GCC2: variants seen among roughly 807,000 people sequenced by gnomAD.
The protein encoded by GCC2 is GRIP and coiled-coil domain containing 2, also known as GRIP and coiled-coil domain-containing protein 2.
GCC2 carries 120 observed loss-of-function variants against 210.6 expected under a neutral mutation model. The observed-to-expected ratio is 0.57, with a 90% CI of 0.49 to 0.66. The LOEUF (loss-of-function observed/expected upper bound fraction) is 0.66. Among genes scored for constraint, GCC2 ranks in the 30% least tolerant of loss-of-function variants. The pLI is 0.00. For synonymous variants in GCC2, 703 were observed against 652.7 expected, an observed-to-expected ratio of 1.08 and a Z score of -1.17; for missense variants, 1,868 against 1,871.9, an observed-to-expected ratio of 1.00 and a Z score of 0.04.
intron 17 of GCC2, among the ~76,000 whole-genome samples, chr2:108,488,775 C>T (rs1215134179): frequency 6.6e-6 from 1 of 152,142 alleles, no homozygotes; most frequent in Non-Finnish European, 1.5e-5. Flanking sequence ...CTGGCTCTTA[C>T]TGTTCTAAAC....
intron 22 of GCC2, among the ~76,000 whole-genome samples, chr2:108,502,381 A>ATAG (rs1682966984): frequency 6.6e-6 from 1 of 152,190 alleles, no homozygotes; most frequent in Non-Finnish European, 1.5e-5. Flanking sequence ...AAAGAGACTA[A>ATAG]CCTAAGGGAT....
At position 108,481,695 on chromosome 2, in the gene GCC2, A is replaced by G; in HGVS notation, c.3061-2A>G. 6.3e-7 allele frequency: 1 copy of G among 1,579,280 alleles called. No individual in the cohort carries two copies. The highest frequency in any genetic ancestry group is 8.6e-7 in the Non-Finnish European group (1 of 1,167,368). ...CAAAGTTAAATCCTTCTTTTATTGA[A>G]GAATCTTTTATTAGAATATGAAAAG... is the stretch of plus-strand genomic sequence containing the variant. On this transcript the variant is annotated splice_acceptor_variant, in intron 9 of 22. Coordinates refer to ENST00000309863, the MANE Select transcript of GCC2 (RefSeq NM_181453.4). LOFTEE classifies it high-confidence loss of function.
At chr2:108,450,929 C>T in intron 2 of GCC2, 99 bp from the exon 3 acceptor site, 2 of 751,454 alleles carry the variant, frequency 2.7e-6, no homozygotes, top group South Asian at 1.7e-5. Context: ...AAGATTTATT[C>T]TGTAGAATGT....
intron 2 of GCC2, 143 bp downstream of exon 2, chr2:108,449,832 A>G (rs2460945): frequency 0.99 from 630,417 of 634,352 alleles, 313,263 homozygotes; most frequent in East Asian, 1. Flanking sequence ...AGTGTGCGCA[A>G]TCGCCCATTT....
chr2:108,469,915 G>C lies in GCC2; in HGVS notation c.586G>C (p.Glu196Gln). 1 of 1,613,610 alleles carries C rather than the reference G, an allele frequency of 6.2e-7. No homozygotes were observed. Among genetic ancestry groups the C allele is most frequent in the Non-Finnish European group, 8.5e-7 (1 of 1,179,788 alleles). The change falls in exon 6 of 23, where the codon GAG (glutamate) becomes CAG (glutamine). Residue 196 changes from glutamate (E) to glutamine (Q), a missense_variant. Glu to Gln is a conservative substitution (Grantham distance 29, BLOSUM62 2). Coordinates refer to ENST00000309863, the MANE Select transcript of GCC2 (RefSeq NM_181453.4). ...TGAGAAAATTAGGCCAGGCTTTGAGGAGCAAATTTTATATCTGCAAAAGCA... is the reference window on the plus strand; with the variant it reads ...TGAGAAAATTAGGCCAGGCTTTGAGCAGCAAATTTTATATCTGCAAAAGCA... ...EIEKIRPGFE[E>Q]QILYLQKQLD... is the part of the protein sequence containing the mutation.
rs368402498 is a variant in GCC2 at position 108,507,670 on chromosome 2, A to T, written c.*40A>T. The T allele has an allele frequency of 7.3e-7, 1 of 1,375,240 alleles. No homozygotes were observed. Among genetic ancestry groups the T allele is most frequent in the African/African-American group, 1.4e-5 (1 of 69,100 alleles). The allele number at this position is 1,375,240 out of a possible 1,614,324, so 85.2% of individuals were successfully genotyped here. A position where few individuals can be genotyped will look rare whatever the true frequency, so the allele number is the denominator to read the frequency against. On this transcript the variant is annotated 3_prime_UTR_variant, in exon 23 of 23. Transcript: ENST00000309863. ...TATTTTTATTAACCAAATAGAATCT[A>T]TTTACAAAAATGGTTCACGTATATT...
chr2:108,507,415 C>CG (rs1211579162), intron 22 of GCC2, 145 bp from the exon 23 acceptor site: 4 of 365,986 alleles, frequency 1.1e-5, no homozygotes, highest in Admixed American at 9.5e-5. Context: ...ACCCCCCCCC[C>CG]CAAAAAAAAG....
At chr2:108,453,153 G>T (rs567864038) in intron 4 of GCC2, among the ~76,000 whole-genome samples, 58 of 152,282 alleles carry the variant, frequency 3.8e-4, no homozygotes, top group African/African-American at 1.4e-3. Flanking sequence ...TCACAGTTGT[G>T]TTTCCCTCTC....
intron 17 of GCC2, among the ~76,000 whole-genome samples, chr2:108,488,217 T>C (rs1011798325): frequency 4.6e-5 from 7 of 152,132 alleles, no homozygotes; most frequent in Admixed American, 3.3e-4. Flanking sequence ...TAAAATTCTA[T>C]TATGATTTTT....
At chr2:108,455,271 C>CTCTA (rs1680194877) in intron 4 of GCC2, among the ~76,000 whole-genome samples, 2 of 152,246 alleles carry the variant, frequency 1.3e-5, no homozygotes, top group South Asian at 4.1e-4. Flanking sequence ...GAAACCCCAT[C>CTCTA]TCTACTCAAA....
rs544210046 is a variant in GCC2, at chr2:108,478,575, C to A, written c.3060+2725C>A. 2.6e-5 allele frequency among the ~76,000 whole-genome samples: 4 copies of A among 152,314 alleles called. 1 individual carries two copies. In the South Asian group the frequency reaches 8.3e-4, roughly 32 times the overall value. ...TTGTAATTATTCAGATGTTTAGAAG[C>A]GTCTACCCTACATAAGGAAAGTAGA... On this transcript the variant is annotated intron_variant, in intron 9 of 22. Coordinates refer to ENST00000309863, the MANE Select transcript of GCC2 (RefSeq NM_181453.4).
intron 4 of GCC2, among the ~76,000 whole-genome samples, chr2:108,465,173 C>T (rs1680812501): frequency 6.6e-6 from 1 of 152,138 alleles, no homozygotes; most frequent in Non-Finnish European, 1.5e-5. Context: ...ACTATATCAC[C>T]TTAATGTGTT....
chr2:108,461,019 G>T (rs540936100), intron 4 of GCC2, among the ~76,000 whole-genome samples: 8 of 152,292 alleles, frequency 5.3e-5, no homozygotes, highest in African/African-American at 1.4e-4. Flanking sequence ...TTCCTATGCA[G>T]CTTGAAGAAC....
Position 108,470,300 on chromosome 2 carries a change from C to A in GCC2, c.971C>A (p.Thr324Lys). 1.9e-6 allele frequency: 3 copies of A among 1,612,862 alleles called. No individual in the cohort carries two copies. Among genetic ancestry groups the A allele is most frequent in the South Asian group, 1.1e-5 (1 of 90,728 alleles). Residue 324 changes from threonine to lysine, a missense_variant, in exon 6 of 23, where the codon ACA (threonine) becomes AAA (lysine). Thr to Lys is a moderately conservative substitution (Grantham distance 78). This residue lies in a region of GCC2 where 1,847 missense variants were observed against 1,765.2 expected (regional missense o/e 1.05). Coordinates refer to ENST00000309863, the MANE Select transcript of GCC2 (RefSeq NM_181453.4). ...QICSILLQEN[T>K]FVEQVVNEKV... is the part of the protein sequence containing the mutation. ...TGTTCTATTCTCTTGCAAGAAAATA[C>A]ATTTGTAGAACAAGTAGTAAATGAA...
chr2:108,456,086 A>C (rs1680259788), intron 4 of GCC2, among the ~76,000 whole-genome samples: 1 of 151,974 alleles, frequency 6.6e-6, no homozygotes, highest in South Asian at 2.1e-4. Context: ...CCAGGTTCAC[A>C]CCATTCTTCT....
rs758608703 is a variant in GCC2, at chr2:108,497,001, A to G, written c.4674A>G (p.Lys1558=). The G allele has an allele frequency of 4.3e-6, 7 of 1,611,942 alleles. No homozygotes were observed. The Middle Eastern group carries it at 1.1e-3, about 259-fold the overall frequency. The part of the protein sequence containing the change: ...EPPLWHAEFT[K]EELVQKLSST... Reference sequence around the variant, plus strand: ...CATTATGGCATGCTGAATTTACCAAAGAAGAATTGGTTCAGAAGCTCAGTT... The same window carrying G: ...CATTATGGCATGCTGAATTTACCAAGGAAGAATTGGTTCAGAAGCTCAGTT... The change falls in exon 21 of 23, where the codon AAA becomes AAG. Residue 1558 remains lysine, a synonymous_variant. Transcript: ENST00000309863.
intron 4 of GCC2, among the ~76,000 whole-genome samples, chr2:108,459,877 C>T (rs1041120598): frequency 5.4e-5 from 8 of 148,688 alleles, no homozygotes; most frequent in East Asian, 2.1e-4. Context: ...TTGTAGTGAG[C>T]GGAGATCACG....
At chr2:108,502,260 T>C (rs1272060246) in intron 22 of GCC2, among the ~76,000 whole-genome samples, 2 of 152,196 alleles carry the variant, frequency 1.3e-5, no homozygotes, top group Non-Finnish European at 2.9e-5. Flanking sequence ...TATCTCAAAA[T>C]ACTCAGCATG....
chr2:108,471,681 G>C lies in GCC2; in HGVS notation c.2352G>C (p.Gln784His). Residue 784 changes from glutamine (Q) to histidine (H), a missense_variant, in exon 6 of 23, where the codon CAG becomes CAC. Physicochemically the swap from Gln to His is conservative, Grantham distance 24. Around this residue, in one of 3 missense-constraint regions of GCC2, gnomAD observed 1,847 missense variants for 1,765.2 expected, o/e 1.05. Transcript: ENST00000309863. The part of the protein sequence containing the change: ...SEEKDVVNVL[Q>H]AVGESLAKIN... ...AGAAAGATGTTGTTAATGTCCTACA[G>C]GCAGTCGGTGAATCCTTGGCAAAAA... is the stretch of plus-strand genomic sequence containing the variant. 6.2e-7 allele frequency: 1 copy of C among 1,613,686 alleles called. No homozygotes were observed. The highest frequency in any genetic ancestry group is 8.5e-7 in the Non-Finnish European group (1 of 1,179,712).
Sources: gnomAD v4.1 joint callset for allele counts (sites outside exome capture counted in the v4.1 genomes callset) on GRCh38, gnomAD v4.1.1 for gene constraint, gnomAD v4.1.1 regional missense constraint, MANE v1.5 for transcripts, NCBI Gene and HGNC (gene_info 2026-07-23, HGNC 2026-07-21) for gene names.